Variants in TNFRSF8 observed in about 807,000 individuals in gnomAD.
TNFRSF8 encodes the protein tumor necrosis factor receptor superfamily member 8.
In TNFRSF8, 26 loss-of-function variants were observed where a neutral mutation model predicts 70.8. The ratio of observed to expected loss-of-function variants is 0.37; its 90% CI spans 0.27 to 0.51. TNFRSF8 has a LOEUF of 0.51. Ranked by LOEUF, TNFRSF8 falls within the 20% of genes least tolerant of loss-of-function variation. The probability of loss-of-function intolerance (pLI) is 0.94; values close to 1 mark genes in which losing one functional copy is unlikely to be tolerated. For missense variants in TNFRSF8, 720 were observed against 807.9 expected (o/e 0.89, Z 1.32); for synonymous variants, 356 against 339.2 (o/e 1.05, Z -0.54).
At chr1:12,076,559 G>A (rs1026344230) in intron 1 of TNFRSF8, among the ~76,000 whole-genome samples, 4 of 152,070 alleles carry the variant, frequency 2.6e-5, no homozygotes, top group Admixed American at 6.6e-5. Context: ...TGCTGTTTCC[G>A]TGTCCACTGT....
In TNFRSF8 at chr1:12,083,726, T is replaced by C. The variant is rs185876682; in HGVS notation, c.64-738T>C. 2.2e-4 allele frequency among the ~76,000 whole-genome samples: 34 copies of C among 152,244 alleles called. No homozygotes were observed. In the East Asian group the frequency reaches 2.7e-3, roughly 12 times the overall value. ...AAGAGAGTAGACTAGACAAATAAATTGTGCATATTTGTGTGATGCTATACT... is the reference window on the plus strand; with the variant it reads ...AAGAGAGTAGACTAGACAAATAAATCGTGCATATTTGTGTGATGCTATACT... On this transcript the variant is annotated intron_variant, in intron 1 of 14. Transcript: ENST00000263932.
rs1016094876 is a variant in TNFRSF8 at position 12,100,782 on chromosome 1, C to A, written c.268+3565C>A. On this transcript the variant is annotated intron_variant, in intron 3 of 14. Transcript: ENST00000263932. ...GACCAGCTTGGCCAACATGGTGAAA[C>A]CCCATCTCTACTAAAAATATAAAAA... Among the ~76,000 whole-genome samples the A allele has an allele frequency of 2.6e-5, 4 of 152,074 alleles. No homozygotes were observed. In the South Asian group the frequency reaches 6.2e-4, roughly 24 times the overall value.
Position 12,142,348 on chromosome 1 carries a change from G to C in TNFRSF8, c.1605G>C (p.Pro535=), listed in dbSNP as rs774482253. 6.2e-7 allele frequency: 1 copy of C among 1,607,420 alleles called. No individual in the cohort carries two copies. Among genetic ancestry groups the C allele is most frequent in the African/African-American group, 1.3e-5 (1 of 75,018 alleles). Reference sequence around the variant, plus strand: ...TGGGGACCGTGAAGGCTGAGCTGCCGGAGGGCCGGGGCCTGGCGGGGCCAG... The same window carrying C: ...TGGGGACCGTGAAGGCTGAGCTGCCCGAGGGCCGGGGCCTGGCGGGGCCAG... ...VIVGTVKAEL[P]EGRGLAGPAE... The change falls in exon 15 of 15, where the codon CCG becomes CCC. Residue 535 remains proline (P), a synonymous_variant. Transcript: ENST00000263932. The surrounding 1 kb of genome is among the most constrained non-coding windows in gnomAD (Gnocchi z 5.0).
At chr1:12,091,269 T>C (rs1234443482) in intron 2 of TNFRSF8, among the ~76,000 whole-genome samples, 1 of 152,182 alleles carries the variant, frequency 6.6e-6, no homozygotes, top group African/African-American at 2.4e-5. Context: ...AACACCAATT[T>C]GGAAGTAGGG....
In TNFRSF8 at chr1:12,138,820, C is replaced by T. The variant is rs191386949; in HGVS notation, c.1543+384C>T. 4.9e-4 allele frequency among the ~76,000 whole-genome samples: 75 copies of T among 152,300 alleles called. No individual in the cohort carries two copies. Among genetic ancestry groups the T allele is most frequent in the African/African-American group, 1.7e-3 (71 of 41,556 alleles). The stretch of plus-strand genomic sequence containing the variant: ...ATCTCTTCATCTCTGATGGTCTCAC[C>T]ACCTTCTTTGGATGGTGTCTTTCTC... On this transcript the variant is annotated intron_variant, in intron 14 of 14. Transcript: ENST00000263932. The surrounding 1 kb of genome is among the most constrained non-coding windows in gnomAD (Gnocchi z 5.7).
At chr1:12,077,654 G>T (rs1640989140) in intron 1 of TNFRSF8, among the ~76,000 whole-genome samples, 1 of 152,178 alleles carries the variant, frequency 6.6e-6, no homozygotes, top group Non-Finnish European at 1.5e-5. Context: ...GCTTCCCAGA[G>T]GAAGTGGCAC....
At chr1:12,090,366 C>A (rs961413324) in intron 2 of TNFRSF8, among the ~76,000 whole-genome samples, 2 of 151,394 alleles carry the variant, frequency 1.3e-5, no homozygotes, top group Non-Finnish European at 2.9e-5. Context: ...ACCCATCCAC[C>A]CATCTACTCA....
intron 14 of TNFRSF8, among the ~76,000 whole-genome samples, chr1:12,139,779 C>T (rs532551832): frequency 3.9e-5 from 6 of 152,250 alleles, no homozygotes; most frequent in Middle Eastern, 3.4e-3. Context: ...GGATTATGGG[C>T]GAGTGTCATC....
At chr1:12,131,453 A>C (rs1323890084) in intron 12 of TNFRSF8, among the ~76,000 whole-genome samples, 4 of 152,044 alleles carry the variant, frequency 2.6e-5, no homozygotes, top group Non-Finnish European at 5.9e-5. Flanking sequence ...CCGTCTCAAA[A>C]CAAACAAACA....
intron 2 of TNFRSF8, among the ~76,000 whole-genome samples, chr1:12,090,992 T>A (rs1279019142): frequency 6.6e-6 from 1 of 152,164 alleles, no homozygotes; most frequent in Non-Finnish European, 1.5e-5. Context: ...GGTGCCTTTA[T>A]AAAAGGAAAT....
chr1:12,111,433 C>T (rs1404081887), intron 6 of TNFRSF8, among the ~76,000 whole-genome samples: 1 of 152,146 alleles, frequency 6.6e-6, no homozygotes, highest in East Asian at 1.9e-4. Context: ...CCACCCGCCT[C>T]AGCCTCCCAA....
At chr1:12,066,872 C>T (rs960919762) in intron 1 of TNFRSF8, among the ~76,000 whole-genome samples, 4 of 141,646 alleles carry the variant, frequency 2.8e-5, no homozygotes, top group African/African-American at 5.3e-5. Flanking sequence ...AGGCTGGTCT[C>T]GAGCTCCTGG....
intron 12 of TNFRSF8, among the ~76,000 whole-genome samples, chr1:12,130,349 C>T (rs1642024905): frequency 6.6e-6 from 1 of 152,190 alleles, no homozygotes; most frequent in Admixed American, 6.5e-5. Context: ...AGGGAGAGCC[C>T]CTTTAAGCTG....
intron 4 of TNFRSF8, among the ~76,000 whole-genome samples, chr1:12,106,061 A>G (rs879482779): frequency 6.6e-6 from 1 of 151,762 alleles, no homozygotes; most frequent in Non-Finnish European, 1.5e-5. Context: ...TTTATTTTGT[A>G]CATAATGTCC....
chr1:12,129,849 C>T (rs569456460), intron 12 of TNFRSF8, among the ~76,000 whole-genome samples: 37 of 152,266 alleles, frequency 2.4e-4, no homozygotes, highest in African/African-American at 7.9e-4. Context: ...TCTTTAGGGG[C>T]GTTACTTGAG....
intron 1 of TNFRSF8, among the ~76,000 whole-genome samples, chr1:12,083,477 T>A (rs1359303398): frequency 6.6e-6 from 1 of 152,094 alleles, no homozygotes; most frequent in Non-Finnish European, 1.5e-5. Flanking sequence ...TCATTTGAGG[T>A]CAGGAATTCA....
At chr1:12,066,258 CT>C (rs1569969447) in intron 1 of TNFRSF8, among the ~76,000 whole-genome samples, 1 of 151,920 alleles carries the variant, frequency 6.6e-6, no homozygotes, top group East Asian at 1.9e-4. Context: ...CCCCTCAAGC[CT>C]TCTCCCACTT....
intron 9 of TNFRSF8, 134 bp from the exon 10 acceptor site, chr1:12,123,581 T>A: frequency 1.1e-6 from 1 of 940,922 alleles, no homozygotes; most frequent in Non-Finnish European, 1.6e-6. Context: ...TCAAAATGCC[T>A]GGCAGAGACT....
chr1:12,069,728 A>T (rs989781254), intron 1 of TNFRSF8, among the ~76,000 whole-genome samples: 1 of 152,178 alleles, frequency 6.6e-6, no homozygotes, highest in South Asian at 2.1e-4. Context: ...GAGTTCATCC[A>T]TGCACCGCAT....
Sources: allele counts gnomAD v4.1 joint callset (sites outside exome capture counted in the v4.1 genomes callset), GRCh38; gene constraint gnomAD v4.1.1; non-coding constraint Gnocchi (gnomAD v3.1); transcripts MANE v1.5; gene names NCBI Gene and HGNC (gene_info 2026-07-23, HGNC 2026-07-21).